MICAL3: variants seen among roughly 807,000 people sequenced by gnomAD.
MICAL3 encodes the protein microtubule associated monooxygenase, calponin and LIM domain containing 3, also known as [F-actin]-monooxygenase MICAL3.
A neutral mutation model predicts 207.4 loss-of-function variants in MICAL3; 62 were observed. That is an observed-to-expected ratio of 0.30 (90% confidence interval 0.24 to 0.37). MICAL3 has a LOEUF of 0.37. Among genes scored for constraint, MICAL3 ranks in the 10% least tolerant of loss-of-function variants. The pLI, the probability that MICAL3 is intolerant of heterozygous loss-of-function variation, is 1.00. For missense variants in MICAL3, 2,368 were observed against 2,635.6 expected, an observed-to-expected ratio of 0.90 and a Z score of 2.22; for synonymous variants, 1,077 against 1,069.3, an observed-to-expected ratio of 1.01 and a Z score of -0.14.
chr22:17,951,383 A>T (rs1308085878), intron 1 of MICAL3, among the ~76,000 whole-genome samples: 1 of 152,132 alleles, frequency 6.6e-6, no homozygotes, highest in African/African-American at 2.4e-5. Flanking sequence ...ATTGTCGGTG[A>T]AATTCAGCAA....
Position 18,007,581 on chromosome 22 carries a change from C to A in MICAL3, c.-75+16700G>T, listed in dbSNP as rs573231858. ...AAAGTGCTAGGATTCCAGGCCTGAG[C>A]CACTATGCTCAGTTTTGTTTTTGTT... On this transcript the variant is annotated intron_variant, in intron 1 of 31. Coordinates refer to ENST00000441493, the MANE Select transcript of MICAL3 (RefSeq NM_015241.3). Among the ~76,000 whole-genome samples the A allele has an allele frequency of 7.9e-5, 12 of 152,242 alleles. No homozygotes were observed. The South Asian group carries it at 2.5e-3, about 32-fold the overall frequency.
intron 21 of MICAL3, among the ~76,000 whole-genome samples, chr22:17,831,356 C>A (rs111637316): frequency 6.4e-4 from 97 of 152,230 alleles, no homozygotes; most frequent in African/African-American, 2.1e-3. Context: ...GAGTGGCTGG[C>A]CCCTGGGCCT....
At chr22:17,862,496 G>A (rs1436746936) in intron 19 of MICAL3, 15 of 735,924 alleles carry the variant, frequency 2.0e-5, no homozygotes, top group Middle Eastern at 6.8e-4. Flanking sequence ...TCCTGACCTC[G>A]TGATCTGCCC....
intron 16 of MICAL3, among the ~76,000 whole-genome samples, chr22:17,880,145 T>A (rs1323392094): frequency 6.6e-6 from 1 of 152,208 alleles, no homozygotes; most frequent in Non-Finnish European, 1.5e-5. Flanking sequence ...GTGAGCATAA[T>A]GTCTCTGTGG....
chr22:17,864,811 C>T (rs372007276), intron 19 of MICAL3, 88 bp downstream of exon 19: 3 of 1,613,926 alleles, frequency 1.9e-6, no homozygotes, highest in Non-Finnish European at 2.5e-6. Flanking sequence ...AGAAATGTTG[C>T]TTTGGAGGTG....
chr22:17,833,261 G>C (rs1267662139), intron 20 of MICAL3, among the ~76,000 whole-genome samples: 1 of 152,194 alleles, frequency 6.6e-6, no homozygotes, highest in African/African-American at 2.4e-5. Context: ...GTTTCTGAGT[G>C]TTTCGTGGTC....
chr22:17,792,038 C>A (rs958136047), intron 29 of MICAL3, among the ~76,000 whole-genome samples: 5 of 152,336 alleles, frequency 3.3e-5, no homozygotes, highest in African/African-American at 1.2e-4. Context: ...TGGCTGCCTG[C>A]TAGCTCAGGC....
intron 19 of MICAL3, chr22:17,864,100 G>A (rs536402362): frequency 3.0e-5 from 30 of 987,144 alleles, no homozygotes; most frequent in Admixed American, 1.2e-4. Flanking sequence ...ACAAGTTGCT[G>A]AGAGAGGCCA....
intron 2 of MICAL3, 28 bp downstream of exon 2, chr22:17,906,521 C>G (rs1214184390): frequency 6.2e-7 from 1 of 1,612,562 alleles, no homozygotes; most frequent in African/African-American, 1.3e-5. Context: ...CGTCAGTGAC[C>G]CCAGGGCCCA....
At chr22:17,825,336 T>TG (rs1379315286) in intron 22 of MICAL3, among the ~76,000 whole-genome samples, 1 of 152,088 alleles carries the variant, frequency 6.6e-6, no homozygotes, top group Non-Finnish European at 1.5e-5. Context: ...GGGGTGGATC[T>TG]GGGGGTGAAA....
rs1361256795 is a variant in MICAL3 at position 17,804,563 on chromosome 22, G to C, written c.5650+4281C>G. Among the ~76,000 whole-genome samples, 4 of 152,180 alleles carry C rather than the reference G, an allele frequency of 2.6e-5. No homozygotes were observed. In the East Asian group the frequency reaches 7.7e-4, roughly 29 times the overall value. ...AGGCTCCTGGAGGTGTGCTGGCCTG[G>C]GGCACTCCTAGCCTGGTAGTTCCAC... On this transcript the variant is annotated intron_variant, in intron 29 of 31. Transcript: ENST00000441493.
In MICAL3 at chr22:17,929,573, T is replaced by TC. The variant is rs1556418350; in HGVS notation, c.-74-22688_-74-22687insG. Among the ~76,000 whole-genome samples the TC allele has an allele frequency of 2.6e-3, 331 of 129,014 alleles. 1 individual carries two copies. Among genetic ancestry groups the TC allele is most frequent in the African/African-American group, 8.9e-3 (300 of 33,584 alleles). The allele number at this position is 129,014 out of a possible 152,430, so 84.6% of individuals were successfully genotyped here. A position where few individuals can be genotyped will look rare whatever the true frequency, so the allele number is the denominator to read the frequency against. ...TCTTTCTTTCCTTTTCTTTTCTTTTTTTTTTTTTTTTTTTGACAGGGTCTT... is the reference window on the plus strand; with the variant it reads ...TCTTTCTTTCCTTTTCTTTTCTTTTTCTTTTTTTTTTTTTTGACAGGGTCTT... On this transcript the variant is annotated intron_variant, in intron 1 of 31. Coordinates refer to ENST00000441493, the MANE Select transcript of MICAL3 (RefSeq NM_015241.3).
intron 16 of MICAL3, among the ~76,000 whole-genome samples, chr22:17,875,924 G>A (rs1445476590): frequency 6.6e-6 from 1 of 152,118 alleles, no homozygotes; most frequent in Non-Finnish European, 1.5e-5. Context: ...GCAACCCCCG[G>A]CCTGAGCTGG....
intron 21 of MICAL3, among the ~76,000 whole-genome samples, chr22:17,830,885 A>G (rs1922729854): frequency 6.6e-6 from 1 of 152,212 alleles, no homozygotes; most frequent in Non-Finnish European, 1.5e-5. Context: ...CTGGAGCTGC[A>G]CAGCTCCCAG....
chr22:17,864,664 A>T (rs1926876994), intron 19 of MICAL3: 1 of 1,603,670 alleles, frequency 6.2e-7, no homozygotes, highest in Non-Finnish European at 8.5e-7. Context: ...TCACTGGGCC[A>T]CAGCCTGCCA....
At position 17,818,060 on chromosome 22, in the gene MICAL3, G is replaced by C; in HGVS notation, c.4601C>G (p.Thr1534Ser). Residue 1534 changes from threonine to serine, a missense_variant, in exon 26 of 32, where the codon ACT becomes AGT. By Grantham distance (58) the Thr-to-Ser change is moderately conservative (BLOSUM62 1). Coordinates refer to ENST00000441493, the MANE Select transcript of MICAL3 (RefSeq NM_015241.3). ...DDVEDTYDDKTEDSSLQEKFF... is the reference protein window; with the variant it reads ...DDVEDTYDDKSEDSSLQEKFF... ...TTTCTCCTGCAGGCTTGAGTCCTCA[G>C]TCTTGTCGTCATAGGTGTCCTCCAC... 1 of 1,613,092 alleles carries C rather than the reference G, an allele frequency of 6.2e-7. No individual in the cohort carries two copies.
Position 17,893,794 on chromosome 22 carries a change from C to A in MICAL3, c.1546+14G>T. ...GGGCTGCCTGCATTTTAAAAAGCCACCACCAGAACTCACCATTGCGAGTCA... is the reference window on the plus strand; with the variant it reads ...GGGCTGCCTGCATTTTAAAAAGCCAACACCAGAACTCACCATTGCGAGTCA... On this transcript the variant is annotated intron_variant, in intron 11 of 31. Transcript: ENST00000441493. 1.9e-6 allele frequency: 3 copies of A among 1,549,724 alleles called. No homozygotes were observed. The highest frequency in any genetic ancestry group is 1.2e-5 in the South Asian group (1 of 84,436).
chr22:17,967,571 G>A (rs1460474627), intron 1 of MICAL3, among the ~76,000 whole-genome samples: 1 of 152,040 alleles, frequency 6.6e-6, no homozygotes, highest in Admixed American at 6.6e-5. Context: ...GTTAAGGACA[G>A]GCTTCTAACA....
intron 1 of MICAL3, among the ~76,000 whole-genome samples, chr22:17,925,878 G>C (rs765615564): frequency 6.6e-6 from 1 of 152,092 alleles, no homozygotes; most frequent in Non-Finnish European, 1.5e-5. Context: ...CCTTCCTCCT[G>C]ACAGCTGGGT....
Sources: gnomAD v4.1 joint callset for allele counts (sites outside exome capture counted in the v4.1 genomes callset) on GRCh38, gnomAD v4.1.1 for gene constraint, MANE v1.5 for transcripts, NCBI Gene and HGNC (gene_info 2026-07-23, HGNC 2026-07-21) for gene names.